The following GUCY2C variants were observed in gnomAD, a reference collection of about 807,000 sequenced individuals.
The protein encoded by GUCY2C is guanylate cyclase 2C.
In GUCY2C, 118 loss-of-function variants were observed where a neutral mutation model predicts 131.1. That is an observed-to-expected ratio of 0.90 (90% CI 0.78 to 1.05). The LOEUF (loss-of-function observed/expected upper bound fraction) is 1.05. Ranked by LOEUF, GUCY2C falls within the 50% of genes least tolerant of loss-of-function variation. The pLI, the probability that GUCY2C is intolerant of heterozygous loss-of-function variation, is 0.00. For synonymous variants in GUCY2C, 452 were observed against 457.8 expected (o/e 0.99, Z 0.16); for missense variants, 1,161 against 1,304.4 (o/e 0.89, Z 1.69).
At chr12:14,684,780 C>T (rs1313370512) in intron 3 of GUCY2C, among the ~76,000 whole-genome samples, 1 of 151,810 alleles carries the variant, frequency 6.6e-6, no homozygotes, top group African/African-American at 2.4e-5. Context: ...AGTGATCCTC[C>T]CATCTTGGCC....
At chr12:14,686,335 C>A in intron 2 of GUCY2C, 110 bp from the exon 3 acceptor site, 1 of 735,050 alleles carries the variant, frequency 1.4e-6, no homozygotes, top group African/African-American at 1.7e-5. Context: ...TTGGGCCTCC[C>A]AAAATGCTCA....
At chr12:14,688,207 G>A in intron 1 of GUCY2C, 144 bp from the exon 2 acceptor site, 1 of 600,914 alleles carries the variant, frequency 1.7e-6, no homozygotes, top group Non-Finnish European at 3.0e-6. Flanking sequence ...TTTTACTCCT[G>A]GTCACTTTTT....
chr12:14,632,664 T>C (rs1236961086), intron 19 of GUCY2C, among the ~76,000 whole-genome samples: 1 of 152,208 alleles, frequency 6.6e-6, no homozygotes, highest in African/African-American at 2.4e-5. Context: ...ATTGAGCTTA[T>C]AAAAATTGAG....
chr12:14,619,324 A>G lies in GUCY2C; in HGVS notation c.2777-15T>C, dbSNP rs201996670. 6 of 1,541,968 alleles carry G rather than the reference A, an allele frequency of 3.9e-6. No individual in the cohort carries two copies. The East Asian group carries it at 9.0e-5, about 23-fold the overall frequency. ...AGCACAGGGACCTGAAATGAAGGAC[A>G]GAAAGCAGGAAGTGGAGGCAATAGA... is the stretch of plus-strand genomic sequence containing the variant. On this transcript the variant is annotated splice_polypyrimidine_tract_variant and intron_variant, in intron 23 of 26. Coordinates refer to ENST00000261170, the MANE Select transcript of GUCY2C (RefSeq NM_004963.4).
chr12:14,617,862 AG>A (rs1480099368), intron 24 of GUCY2C, among the ~76,000 whole-genome samples: 5 of 152,232 alleles, frequency 3.3e-5, no homozygotes, highest in Non-Finnish European at 7.3e-5. Flanking sequence ...TAGAAGGATC[AG>A]GTAGCTTTCT....
chr12:14,675,857 T>C (rs1329081338), intron 7 of GUCY2C, among the ~76,000 whole-genome samples: 1 of 152,248 alleles, frequency 6.6e-6, no homozygotes, highest in Non-Finnish European at 1.5e-5. Context: ...TTATATTTGC[T>C]GGAAAAATAA....
chr12:14,622,160 C>G lies in GUCY2C; in HGVS notation c.2446G>C (p.Glu816Gln). 1 of 1,583,290 alleles carries G rather than the reference C, an allele frequency of 6.3e-7. No individual in the cohort carries two copies. The highest frequency in any genetic ancestry group is 8.6e-7 in the Non-Finnish European group (1 of 1,168,098). The change falls in exon 22 of 27, where the codon GAG (glutamate) becomes CAG (glutamine). Residue 816 changes from glutamate to glutamine, a missense_variant. Glu to Gln is a conservative substitution (Grantham distance 29). Transcript: ENST00000261170. ...GTAACTTCCTCATATAGTTCCGGCT[C>G]CACAAAGCCTTTCTCCTTCAGAGAC... is the stretch of plus-strand genomic sequence containing the variant. The part of the protein sequence containing the change: ...VKSLKEKGFV[E>Q]PELYEEVTIY...
chr12:14,628,390 A>C (rs1407420302), intron 20 of GUCY2C, among the ~76,000 whole-genome samples: 1 of 152,204 alleles, frequency 6.6e-6, no homozygotes, highest in Non-Finnish European at 1.5e-5. Flanking sequence ...TTAACAGACA[A>C]ATTTATAATC....
intron 9 of GUCY2C, among the ~76,000 whole-genome samples, chr12:14,672,034 C>G (rs145143040): frequency 6.6e-6 from 1 of 151,642 alleles, no homozygotes; most frequent in East Asian, 1.9e-4. Flanking sequence ...GGTTGATGTA[C>G]ACATTTAGTA....
At chr12:14,638,464 T>A (rs1342322532) in intron 19 of GUCY2C, among the ~76,000 whole-genome samples, 1 of 152,190 alleles carries the variant, frequency 6.6e-6, no homozygotes, top group Non-Finnish European at 1.5e-5. Context: ...CAGAATCAAC[T>A]TAAATGTCCA....
Position 14,616,634 on chromosome 12 carries a change from T to G in GUCY2C, c.2969A>C (p.Lys990Thr). The change falls in exon 25 of 27, where the codon AAG becomes ACG. Residue 990 changes from lysine (K) to threonine (T), a missense_variant and splice_region_variant. Coordinates refer to ENST00000261170, the MANE Select transcript of GUCY2C (RefSeq NM_004963.4). ...LYEVRGETYL[K>T]GRGNETTYWL... Reference sequence around the variant, plus strand: ...GCATTGTCTCTGTGGACTCCTTACCTTTAAGTATGTTTCTCCTCTCACTTC... The same window carrying G: ...GCATTGTCTCTGTGGACTCCTTACCGTTAAGTATGTTTCTCCTCTCACTTC... 1 of 1,545,622 alleles carries G rather than the reference T, an allele frequency of 6.5e-7. No homozygotes were observed. The highest frequency in any genetic ancestry group is 8.9e-7 in the Non-Finnish European group (1 of 1,117,684).
At chr12:14,680,695 C>T (rs1045757243) in intron 5 of GUCY2C, among the ~76,000 whole-genome samples, 2 of 152,150 alleles carry the variant, frequency 1.3e-5, no homozygotes, top group African/African-American at 4.8e-5. Flanking sequence ...TAGATTTTTG[C>T]GGGAACAGGT....
Position 14,653,033 on chromosome 12 carries a change from A to C in GUCY2C, c.1471-19T>G, listed in dbSNP as rs535162728. Reference sequence around the variant, plus strand: ...CATCGATCTGGCACAAGAAAAGGCTAATTATTCCAGAAGCTCCATATCTCA... The same window carrying C: ...CATCGATCTGGCACAAGAAAAGGCTCATTATTCCAGAAGCTCCATATCTCA... On this transcript the variant is annotated intron_variant, in intron 12 of 26. Coordinates refer to ENST00000261170, the MANE Select transcript of GUCY2C (RefSeq NM_004963.4). The C allele has an allele frequency of 1.3e-6, 2 of 1,584,832 alleles. No homozygotes were observed. Among genetic ancestry groups the C allele is most frequent in the Non-Finnish European group, 1.7e-6 (2 of 1,153,280 alleles).
chr12:14,640,977 T>C, intron 18 of GUCY2C, 105 bp downstream of exon 18: 1 of 960,774 alleles, frequency 1.0e-6, no homozygotes, highest in Admixed American at 2.1e-5. Flanking sequence ...TAATTTTGCA[T>C]TTGAAGGAAT....
chr12:14,696,381 C>T lies in GUCY2C; in HGVS notation c.68G>A (p.Ser23Asn). 2 of 1,614,116 alleles carry T rather than the reference C, an allele frequency of 1.2e-6. No homozygotes were observed. Among genetic ancestry groups the T allele is most frequent in the Non-Finnish European group, 1.7e-6 (2 of 1,180,024 alleles). The change falls in exon 1 of 27, where the codon AGT becomes AAT. Residue 23 changes from serine (S) to asparagine (N), a missense_variant. Ser to Asn is a conservative substitution (Grantham distance 46). Transcript: ENST00000261170. ...GTGGCAGTTCTGACTCACCTGGGAA[C>T]TAAAGGACAGCCACCCGGGCTGGAA... ...LLFQPGWLSF[S>N]SQVSQNCHNG...
chr12:14,686,596 C>T lies in GUCY2C; in HGVS notation c.331-371G>A, dbSNP rs75993851. ...TTGGAGGTGCTTTGAAGGGAGAGGGCAAGTTTCAGTTGTAGAGAGAACTAT... is the reference window on the plus strand; with the variant it reads ...TTGGAGGTGCTTTGAAGGGAGAGGGTAAGTTTCAGTTGTAGAGAGAACTAT... On this transcript the variant is annotated intron_variant, in intron 2 of 26. Transcript: ENST00000261170. Among the ~76,000 whole-genome samples, 834 of 152,114 alleles carry T rather than the reference C, an allele frequency of 5.5e-3. 1 individual carries two copies. Among genetic ancestry groups the T allele is most frequent in the Non-Finnish European group, 9.0e-3 (615 of 67,996 alleles).
chr12:14,669,588 G>C (rs1191458577), intron 10 of GUCY2C, 134 bp downstream of exon 10: 2 of 588,524 alleles, frequency 3.4e-6, no homozygotes, highest in Non-Finnish European at 6.1e-6. Context: ...TTACAAACTG[G>C]ACAGCAGGAA....
At chr12:14,681,249 G>A in intron 5 of GUCY2C, 107 bp downstream of exon 5, 1 of 930,296 alleles carries the variant, frequency 1.1e-6, no homozygotes, top group South Asian at 1.6e-5. Flanking sequence ...ATATGTATGA[G>A]TAAGGATGAT....
intron 12 of GUCY2C, among the ~76,000 whole-genome samples, chr12:14,654,626 G>A (rs183639591): frequency 6.6e-6 from 1 of 152,130 alleles, no homozygotes; most frequent in African/African-American, 2.4e-5. Flanking sequence ...TATACTTCTA[G>A]GAATATTTAT....
Sources: allele counts gnomAD v4.1 joint callset (sites outside exome capture counted in the v4.1 genomes callset), GRCh38; gene constraint gnomAD v4.1.1; transcripts MANE v1.5; gene names NCBI Gene and HGNC (gene_info 2026-07-23, HGNC 2026-07-21).